PPHLN1: variants seen among roughly 807,000 people sequenced by gnomAD.
The protein encoded by PPHLN1 is periphilin-1.
PPHLN1 carries 29 observed loss-of-function variants against 51.3 expected under a neutral mutation model. That is an observed-to-expected ratio of 0.57 (90% CI 0.42 to 0.77). PPHLN1 has a LOEUF of 0.77. Ranked by LOEUF, PPHLN1 falls within the 30% of genes least tolerant of loss-of-function variation. The pLI is 0.00. For synonymous variants in PPHLN1, 147 were observed against 147.8 expected (o/e 0.99, Z 0.04); for missense variants, 436 against 438.4 (o/e 0.99, Z 0.05).
At chr12:42,415,652 C>G (rs955290900) in intron 9 of PPHLN1, among the ~76,000 whole-genome samples, 3 of 152,236 alleles carry the variant, frequency 2.0e-5, no homozygotes, top group African/African-American at 7.2e-5. Flanking sequence ...GGCTTCACCA[C>G]TGTATTAGCG....
chr12:42,393,643 T>G lies in PPHLN1; in HGVS notation c.722T>G (p.Leu241Arg). 1 of 1,611,570 alleles carries G rather than the reference T, an allele frequency of 6.2e-7. No individual in the cohort carries two copies. Among genetic ancestry groups the G allele is most frequent in the Non-Finnish European group, 8.5e-7 (1 of 1,179,084 alleles). ...GCAAGCAAGTGGGCTGCTGAAAAGCTAGAGAAATCAGATGAAAGTAACTTG... is the reference window on the plus strand; with the variant it reads ...GCAAGCAAGTGGGCTGCTGAAAAGCGAGAGAAATCAGATGAAAGTAACTTG... ...EAASKWAAEK[L>R]EKSDESNLPE... is the part of the protein sequence containing the mutation. Residue 241 changes from leucine (L) to arginine (R), a missense_variant, in exon 8 of 10, where the codon CTA becomes CGA. Transcript: ENST00000358314.
In PPHLN1 at chr12:42,424,708, C is replaced by T. The variant is rs183688668; in HGVS notation, c.910-16607C>T. ...ATCCTGTTTACCTCCTAGCTACCCC[C>T]ACTCGCTTCAGCCACAAAAAAAGAG... On this transcript the variant is annotated intron_variant, in intron 9 of 9. Coordinates refer to ENST00000358314, the MANE Select transcript of PPHLN1 (RefSeq NM_201439.2). 2.6e-3 allele frequency among the ~76,000 whole-genome samples: 399 copies of T among 152,226 alleles called. 1 individual carries two copies. Among genetic ancestry groups the T allele is most frequent in the African/African-American group, 9.2e-3 (381 of 41,536 alleles).
In PPHLN1 at chr12:42,335,650, A is replaced by G. The variant is rs2070494320; in HGVS notation, c.-20-233A>G. On this transcript the variant is annotated intron_variant, in intron 1 of 9. Coordinates refer to ENST00000358314, the MANE Select transcript of PPHLN1 (RefSeq NM_201439.2). ...TGGCAACAATCTCTTTGAAGCTTTA[A>G]ATAGTCTTGCCTAAGAAGGAAGATA... Among the ~76,000 whole-genome samples the G allele has an allele frequency of 3.3e-5, 5 of 150,968 alleles. 1 individual carries two copies. The South Asian group carries it at 1.0e-3, about 31-fold the overall frequency.
downstream of PPHLN1, chr12:42,446,699 G>C: frequency 6.5e-7 from 1 of 1,536,152 alleles, no homozygotes; most frequent in Non-Finnish European, 8.9e-7. Flanking sequence ...CAGAAAAGGG[G>C]TGATGTAGGA....
intron 9 of PPHLN1, among the ~76,000 whole-genome samples, chr12:42,413,524 ATATGTGTGTGTGTGTG>A (rs935427869): frequency 1.5e-4 from 18 of 119,012 alleles, no homozygotes; most frequent in South Asian, 2.8e-4. Context: ...ATATATATGT[ATATGTGTGTGTGTGTG>A]TGTGTGTGTG....
At chr12:42,398,104 T>G (rs1011367032) in intron 8 of PPHLN1, among the ~76,000 whole-genome samples, 5 of 152,188 alleles carry the variant, frequency 3.3e-5, no homozygotes, top group Admixed American at 3.3e-4. Context: ...CTTTGATAAT[T>G]TTTTCTGTAG....
chr12:42,421,864 T>C (rs2081038782), intron 9 of PPHLN1, among the ~76,000 whole-genome samples: 1 of 152,160 alleles, frequency 6.6e-6, no homozygotes, highest in African/African-American at 2.4e-5. Flanking sequence ...GTTTTTTTTT[T>C]TGGTGTAGGA....
At chr12:42,413,526 A>ATGTGTGTGTGTGTGTGTGTG (rs71084648) in intron 9 of PPHLN1, among the ~76,000 whole-genome samples, 1 of 136,518 alleles carries the variant, frequency 7.3e-6, no homozygotes, top group Non-Finnish European at 1.6e-5. Flanking sequence ...ATATATGTAT[A>ATGTGTGTGTGTGTGTGTGTG]TGTGTGTGTG....
chr12:42,332,674 C>G, intron 1 of PPHLN1: 2 of 1,578,232 alleles, frequency 1.3e-6, no homozygotes, highest in Non-Finnish European at 1.7e-6. Flanking sequence ...TTGTTGAAAA[C>G]GTTAAATTTG....
intron 4 of PPHLN1, among the ~76,000 whole-genome samples, chr12:42,369,255 G>C (rs987213215): frequency 6.6e-6 from 1 of 152,302 alleles, no homozygotes; most frequent in East Asian, 1.9e-4. Context: ...TCTGCATAAA[G>C]ATTCTTTTAC....
At chr12:42,441,196 G>T (rs142075406) in intron 9 of PPHLN1, 119 bp from the exon 10 acceptor site, 3 of 1,338,886 alleles carry the variant, frequency 2.2e-6, no homozygotes, top group East Asian at 2.4e-5. Context: ...GAAAGGTTCC[G>T]CTTTCTTTTT....
intron 2 of PPHLN1, among the ~76,000 whole-genome samples, chr12:42,341,552 T>C (rs1307914910): frequency 6.6e-6 from 1 of 152,214 alleles, no homozygotes; most frequent in East Asian, 1.9e-4. Flanking sequence ...GGCAAACTTA[T>C]CCTCAATATA....
chr12:42,386,487 C>G (rs2077201797), intron 6 of PPHLN1, among the ~76,000 whole-genome samples: 1 of 152,188 alleles, frequency 6.6e-6, no homozygotes, highest in Non-Finnish European at 1.5e-5. Flanking sequence ...TTGACTGAAG[C>G]TGGCTTTGCC....
At chr12:42,329,407 G>T (rs1479960340) in intron 1 of PPHLN1, among the ~76,000 whole-genome samples, 1 of 152,040 alleles carries the variant, frequency 6.6e-6, no homozygotes, top group East Asian at 1.9e-4. Flanking sequence ...GCCCGGCCTG[G>T]AATTTCAAAT....
chr12:42,393,439 A>G, intron 7 of PPHLN1, 131 bp from the exon 8 acceptor site: 1 of 838,280 alleles, frequency 1.2e-6, no homozygotes, highest in South Asian at 2.8e-5. Context: ...GGAGGAAATA[A>G]AGAATGTACC....
chr12:42,375,160 G>C (rs1201058889), intron 5 of PPHLN1, 86 bp downstream of exon 5: 1 of 1,082,652 alleles, frequency 9.2e-7, no homozygotes, highest in African/African-American at 1.6e-5. Context: ...AGGTGTAAGA[G>C]ATTTATTTTT....
At chr12:42,382,352 T>C (rs2076825406) in intron 5 of PPHLN1, among the ~76,000 whole-genome samples, 2 of 152,206 alleles carry the variant, frequency 1.3e-5, no homozygotes, top group Non-Finnish European at 2.9e-5. Context: ...CTCATCAATA[T>C]ATAGACAGGG....
chr12:42,364,753 T>C (rs1020979478), intron 4 of PPHLN1, among the ~76,000 whole-genome samples: 1 of 152,152 alleles, frequency 6.6e-6, no homozygotes, highest in South Asian at 2.1e-4. Flanking sequence ...AAACCCCATC[T>C]CTACTAAAAG....
chr12:42,409,989 C>T (rs999716096), intron 9 of PPHLN1, among the ~76,000 whole-genome samples: 6 of 151,954 alleles, frequency 3.9e-5, no homozygotes, highest in Non-Finnish European at 4.4e-5. Flanking sequence ...TATTGTTCTC[C>T]AGAAGTTTCA....
Sources: gnomAD v4.1 joint callset for allele counts (sites outside exome capture counted in the v4.1 genomes callset) on GRCh38, gnomAD v4.1.1 for gene constraint, MANE v1.5 for transcripts, NCBI Gene and HGNC (gene_info 2026-07-23, HGNC 2026-07-21) for gene names.